The following TRPM3 variants were observed in gnomAD, a reference collection of about 807,000 sequenced individuals.
The protein encoded by TRPM3 is long transient receptor potential channel 3.
TRPM3 carries 77 observed loss-of-function variants against 181.2 expected under a neutral mutation model. That is an observed-to-expected ratio of 0.42 (90% CI 0.35 to 0.51). The LOEUF is 0.51. Ranked by LOEUF, TRPM3 falls within the 20% of genes least tolerant of loss-of-function variation. The probability of loss-of-function intolerance (pLI) is 0.01; values close to 1 mark genes in which losing one functional copy is unlikely to be tolerated. For missense variants in TRPM3, 1,759 were observed against 2,196.7 expected (o/e 0.80, Z 3.98); for synonymous variants, 745 against 796.4 (o/e 0.94, Z 1.09).
intron 1 of TRPM3, among the ~76,000 whole-genome samples, chr9:70,878,863 G>T (rs890106005): frequency 1.3e-5 from 2 of 152,022 alleles, no homozygotes; most frequent in Non-Finnish European, 2.9e-5. Context: ...GCACCTACAC[G>T]TTAGTAAGAT....
At position 71,118,769 on chromosome 9, in the gene TRPM3, CAT is replaced by C. The variant is rs1351077308; in HGVS notation, c.177+2407_177+2408del. ...CTAGAGAATCCATTCATCAAATTAA[CAT>C]AGTGGTGGTAGTATGGAGGGAGGTG... On this transcript the variant is annotated intron_variant, in intron 1 of 25. Coordinates refer to ENST00000677713, the MANE Select transcript of TRPM3 (RefSeq NM_001366145.2). Among the ~76,000 whole-genome samples the C allele has an allele frequency of 2.0e-5, 3 of 151,402 alleles. No homozygotes were observed. In the East Asian group the frequency reaches 5.8e-4, roughly 29 times the overall value.
chr9:70,689,727 C>T (rs1356584586), intron 8 of TRPM3, among the ~76,000 whole-genome samples: 4 of 151,816 alleles, frequency 2.6e-5, no homozygotes, highest in African/African-American at 7.3e-5. Context: ...AACTTTGGTT[C>T]TATATAGTTT....
chr9:70,928,546 A>G (rs958977832), intron 1 of TRPM3, among the ~76,000 whole-genome samples: 1 of 152,186 alleles, frequency 6.6e-6, no homozygotes, highest in Non-Finnish European at 1.5e-5. Flanking sequence ...AATAGTTGAG[A>G]CAATATGGAG....
Position 70,549,654 on chromosome 9 carries a change from C to T in TRPM3, c.3595G>A (p.Glu1199Lys), listed in dbSNP as rs2045965358. 1 of 1,606,182 alleles carries T rather than the reference C, an allele frequency of 6.2e-7. No individual in the cohort carries two copies. The highest frequency in any genetic ancestry group is 1.4e-5 in the African/African-American group (1 of 74,064). Reference sequence around the variant, plus strand: ...TCAAAGTCATGTACTTTCTTGAGCTCATCATCGGTTATGAAGAGTTCTGTG... The same window carrying T: ...TCAAAGTCATGTACTTTCTTGAGCTTATCATCGGTTATGAAGAGTTCTGTG... Reference protein sequence around the residue: ...YGLKLFITDDELKKVHDFEEQ... With the variant: ...YGLKLFITDDKLKKVHDFEEQ... Residue 1199 changes from glutamate (E) to lysine (K), a missense_variant, in exon 25 of 26, where the codon GAG (glutamate) becomes AAG (lysine). By Grantham distance (56) the Glu-to-Lys change is moderately conservative (BLOSUM62 1). Coordinates refer to ENST00000677713, the MANE Select transcript of TRPM3 (RefSeq NM_001366145.2).
intron 6 of TRPM3, among the ~76,000 whole-genome samples, chr9:70,785,329 T>C (rs1334573252): frequency 6.6e-6 from 1 of 152,218 alleles, no homozygotes; most frequent in Non-Finnish European, 1.5e-5. Context: ...AGAGACATGA[T>C]GACAAAGAAA....
At chr9:71,391,701 A>G (rs1359205237) in intron 1 of TRPM3, among the ~76,000 whole-genome samples, 1 of 152,122 alleles carries the variant, frequency 6.6e-6, no homozygotes, top group Non-Finnish European at 1.5e-5. Flanking sequence ...AAATGCTTTC[A>G]AATTGCTGAT....
chr9:70,784,857 C>T (rs559142703), intron 6 of TRPM3, among the ~76,000 whole-genome samples: 2 of 152,120 alleles, frequency 1.3e-5, no homozygotes, highest in South Asian at 4.2e-4. Flanking sequence ...GATGATCAGA[C>T]TGATTATTAA....
chr9:71,337,910 C>T (rs1489709104), intron 1 of TRPM3, among the ~76,000 whole-genome samples: 1 of 152,052 alleles, frequency 6.6e-6, no homozygotes, highest in Non-Finnish European at 1.5e-5. Context: ...GGGAGGGGAA[C>T]ATCACACACC....
chr9:71,294,955 A>G (rs17533283), intron 1 of TRPM3, among the ~76,000 whole-genome samples: 28,707 of 152,044 alleles, frequency 0.19, 2,790 homozygotes, highest in African/African-American at 0.25. Context: ...AAAGAAAAGG[A>G]AATGATTAAT....
intron 1 of TRPM3, among the ~76,000 whole-genome samples, chr9:71,287,907 C>T (rs544939620): frequency 1.3e-5 from 2 of 152,148 alleles, no homozygotes; most frequent in South Asian, 2.1e-4. Flanking sequence ...TTATTAAACC[C>T]TTGCTCAGTT....
rs879774695 is a variant in TRPM3 at position 70,570,466 on chromosome 9, G to A, written c.3224-17156C>T. ...TGGGATTACAGGTATGCGCCACCAC[G>A]CCCAGCTAATTTGTGTATTTTTAGT... On this transcript the variant is annotated intron_variant, in intron 22 of 25. Transcript: ENST00000677713. Among the ~76,000 whole-genome samples the A allele has an allele frequency of 3.9e-5, 6 of 152,020 alleles. No homozygotes were observed. In the East Asian group the frequency reaches 5.8e-4, roughly 15 times the overall value.
chr9:70,617,020 G>T (rs138772257), intron 17 of TRPM3, among the ~76,000 whole-genome samples: 1,952 of 152,308 alleles, frequency 0.013, 36 homozygotes, highest in African/African-American at 0.044. Flanking sequence ...AAGATGAGGG[G>T]CTAAGACTCC....
chr9:71,084,893 AG>A (rs893034573), intron 1 of TRPM3, among the ~76,000 whole-genome samples: 9 of 152,116 alleles, frequency 5.9e-5, no homozygotes. Flanking sequence ...GCAAGTCTAT[AG>A]TAACCAAAAC....
At position 71,295,052 on chromosome 9, in the gene TRPM3, G is replaced by C. The variant is rs550464828; in HGVS notation, c.183+151601C>G. Among the ~76,000 whole-genome samples, 3 of 152,200 alleles carry C rather than the reference G, an allele frequency of 2.0e-5. No individual in the cohort carries two copies. In the East Asian group the frequency reaches 5.8e-4, roughly 29 times the overall value. On this transcript the variant is annotated intron_variant, in intron 1 of 24. Transcript: ENST00000357533. ...GATCATGTTCTATTTTTATAACCTG[G>C]ATATTAAAAATAGAGGTGTTTATTT... is the stretch of plus-strand genomic sequence containing the variant.
At chr9:70,561,759 AT>A (rs2049150253) in intron 22 of TRPM3, among the ~76,000 whole-genome samples, 1 of 152,144 alleles carries the variant, frequency 6.6e-6, no homozygotes, top group Non-Finnish European at 1.5e-5. Flanking sequence ...GAGTTGGGTT[AT>A]TGATATTCTC....
At chr9:71,010,971 T>C (rs1477732391) in intron 1 of TRPM3, among the ~76,000 whole-genome samples, 1 of 151,078 alleles carries the variant, frequency 6.6e-6, no homozygotes, top group Non-Finnish European at 1.5e-5. Flanking sequence ...ATAAATAGTA[T>C]TCAGCCATAA....
chr9:70,964,785 T>C (rs889462476), intron 1 of TRPM3, among the ~76,000 whole-genome samples: 7 of 152,110 alleles, frequency 4.6e-5, no homozygotes, highest in Admixed American at 4.6e-4. Context: ...TCTGCTTAGG[T>C]GTCTAGTTCT....
chr9:71,156,742 A>G (rs1484400470), intron 1 of TRPM3, among the ~76,000 whole-genome samples: 3 of 152,086 alleles, frequency 2.0e-5, no homozygotes, highest in African/African-American at 4.8e-5. Flanking sequence ...AGATATGTAG[A>G]CTTATTTTTA....
In TRPM3 at chr9:70,530,282, C is replaced by T. The variant is rs1251355830; in HGVS notation, c.*5671G>A. On this transcript the variant is annotated 3_prime_UTR_variant, in exon 26 of 26. Coordinates refer to ENST00000677713, the MANE Select transcript of TRPM3 (RefSeq NM_001366145.2). ...TGGTGAAAAAGCAGCTAGTCTTAGA[C>T]TAAGAGAAGAGAAGCAAGAAGAGGG... 2 of 152,280 alleles carry T rather than the reference C, an allele frequency of 1.3e-5. No individual in the cohort carries two copies. Among genetic ancestry groups the T allele is most frequent in the African/African-American group, 2.4e-5 (1 of 41,426 alleles). 9.4% of individuals were successfully genotyped at this position (152,280 alleles called of 1,614,324 possible). A position where few individuals can be genotyped will look rare whatever the true frequency, so the allele number is the denominator to read the frequency against.
Sources: allele counts gnomAD v4.1 joint callset (sites outside exome capture counted in the v4.1 genomes callset), GRCh38; gene constraint gnomAD v4.1.1; transcripts MANE v1.5; gene names NCBI Gene and HGNC (gene_info 2026-07-23, HGNC 2026-07-21).